ADARB2: variants seen among roughly 807,000 people sequenced by gnomAD.
The protein encoded by ADARB2 is inactive double-stranded RNA-specific editase B2.
In ADARB2, 25 loss-of-function variants were observed where a neutral mutation model predicts 62.2. The ratio of observed to expected loss-of-function variants is 0.40; its 90% CI spans 0.29 to 0.56. The LOEUF (loss-of-function observed/expected upper bound fraction) is 0.56. Ranked by LOEUF, ADARB2 falls within the 20% of genes least tolerant of loss-of-function variation. The pLI, the probability that ADARB2 is intolerant of heterozygous loss-of-function variation, is 0.43. For missense variants in ADARB2, 1,071 were observed against 1,077.4 expected (o/e 0.99, Z 0.08); for synonymous variants, 572 against 500.8 (o/e 1.14, Z -1.90).
intron 4 of ADARB2, among the ~76,000 whole-genome samples, chr10:1,252,724 G>A (rs1831047692): frequency 6.6e-6 from 1 of 151,382 alleles, no homozygotes; most frequent in African/African-American, 2.4e-5. Flanking sequence ...TAATTAGTTC[G>A]AAATCAGGTA....
chr10:1,733,351 T>C (rs1203177969), intron 1 of ADARB2, among the ~76,000 whole-genome samples: 1 of 152,166 alleles, frequency 6.6e-6, no homozygotes, highest in Non-Finnish European at 1.5e-5. Context: ...CAGTAATGGG[T>C]AGAAGATTAA....
At chr10:1,711,368 T>G (rs1234494907) in intron 1 of ADARB2, among the ~76,000 whole-genome samples, 1 of 152,162 alleles carries the variant, frequency 6.6e-6, no homozygotes, top group Non-Finnish European at 1.5e-5. Flanking sequence ...AGGTCACAGC[T>G]CTGAAGGACG....
chr10:1,183,488 A>G (rs748741641), intron 9 of ADARB2, 119 bp from the exon 10 acceptor site: 18 of 1,265,528 alleles, frequency 1.4e-5, no homozygotes, highest in Non-Finnish European at 1.9e-5. Context: ...TCTTTCTCCC[A>G]CTATTACAGA....
At chr10:1,311,793 C>T (rs181251424) in intron 3 of ADARB2, among the ~76,000 whole-genome samples, 26 of 152,320 alleles carry the variant, frequency 1.7e-4, no homozygotes, top group African/African-American at 5.8e-4. Flanking sequence ...CTACCATCTC[C>T]GCCCTATGAT....
intron 1 of ADARB2, among the ~76,000 whole-genome samples, chr10:1,653,700 G>C (rs1834143002): frequency 6.6e-6 from 1 of 152,196 alleles, no homozygotes; most frequent in Admixed American, 6.5e-5. Context: ...CACATGTTCG[G>C]TCTCATCTCC....
intron 1 of ADARB2, among the ~76,000 whole-genome samples, chr10:1,719,500 C>T (rs540261649): frequency 6.6e-6 from 1 of 152,264 alleles, no homozygotes; most frequent in Admixed American, 6.5e-5. Context: ...TATACAGTGG[C>T]CTTTTGATAA....
chr10:1,309,719 G>T (rs1831666598), intron 3 of ADARB2, among the ~76,000 whole-genome samples: 1 of 152,216 alleles, frequency 6.6e-6, no homozygotes, highest in Non-Finnish European at 1.5e-5. Flanking sequence ...ATCCAGGCTG[G>T]TGGGGCTGGA....
At chr10:1,507,564 T>C (rs1269562929) in intron 1 of ADARB2, among the ~76,000 whole-genome samples, 1 of 152,180 alleles carries the variant, frequency 6.6e-6, no homozygotes, top group Non-Finnish European at 1.5e-5. Flanking sequence ...CGTCTGGAGA[T>C]GTTTACCCTC....
At chr10:1,205,870 G>A (rs12774782) in intron 7 of ADARB2, among the ~76,000 whole-genome samples, 18 of 152,196 alleles carry the variant, frequency 1.2e-4, no homozygotes, top group African/African-American at 3.6e-4. Flanking sequence ...GGGGCAGCCC[G>A]CTGCGGCCAG....
intron 1 of ADARB2, among the ~76,000 whole-genome samples, chr10:1,553,159 G>T (rs1217017389): frequency 6.6e-6 from 1 of 152,198 alleles, no homozygotes; most frequent in African/African-American, 2.4e-5. Context: ...CATAACATTG[G>T]GAAATGACTG....
chr10:1,409,243 C>T (rs2820669), intron 1 of ADARB2, among the ~76,000 whole-genome samples: 99,727 of 150,302 alleles, frequency 0.66, 33,453 homozygotes, highest in African/African-American at 0.7. Flanking sequence ...TGCCTGACAG[C>T]GGGCTCCCAC....
At chr10:1,362,435 G>A (rs139457895) in intron 3 of ADARB2, among the ~76,000 whole-genome samples, 1 of 152,368 alleles carries the variant, frequency 6.6e-6, no homozygotes, top group Non-Finnish European at 1.5e-5. Context: ...CCAGACAGTT[G>A]AGAACATGTC....
intron 1 of ADARB2, among the ~76,000 whole-genome samples, chr10:1,445,447 A>G (rs1375308428): frequency 6.7e-6 from 1 of 149,206 alleles, no homozygotes; most frequent in Non-Finnish European, 1.5e-5. Context: ...CTATCCATCC[A>G]TCCACCCACC....
intron 3 of ADARB2, among the ~76,000 whole-genome samples, chr10:1,287,812 T>C (rs1199345336): frequency 1.3e-5 from 2 of 152,262 alleles, no homozygotes; most frequent in African/African-American, 4.8e-5. Flanking sequence ...TAAGTTAGTG[T>C]GCTTTGGAGT....
intron 1 of ADARB2, among the ~76,000 whole-genome samples, chr10:1,465,617 C>T (rs955957121): frequency 6.6e-6 from 1 of 152,224 alleles, no homozygotes; most frequent in Non-Finnish European, 1.5e-5. Context: ...TGCCTTTTGA[C>T]TTTACCTGTC....
chr10:1,296,313 CTG>C (rs1433451017), intron 3 of ADARB2, among the ~76,000 whole-genome samples: 1 of 152,218 alleles, frequency 6.6e-6, no homozygotes, highest in Non-Finnish European at 1.5e-5. Flanking sequence ...TGTGTGCAGA[CTG>C]TAGAAAAATG....
intron 1 of ADARB2, among the ~76,000 whole-genome samples, chr10:1,389,970 T>G (rs1320259740): frequency 6.6e-6 from 1 of 152,116 alleles, no homozygotes; most frequent in African/African-American, 2.4e-5. Flanking sequence ...ATAAATGAAA[T>G]GTATATGTTC....
At chr10:1,710,827 C>T (rs1052163634) in intron 1 of ADARB2, among the ~76,000 whole-genome samples, 1 of 152,072 alleles carries the variant, frequency 6.6e-6, no homozygotes, top group African/African-American at 2.4e-5. Flanking sequence ...CACCTTCACT[C>T]CTTGTCTCAT....
At chr10:1,243,453 TAAATA>T (rs1830947035) in intron 4 of ADARB2, among the ~76,000 whole-genome samples, 1 of 152,222 alleles carries the variant, frequency 6.6e-6, no homozygotes, top group Non-Finnish European at 1.5e-5. Context: ...CCTCCCATCT[TAAATA>T]AAAACAGTGC....
Sources: gnomAD v4.1 joint callset for allele counts (sites outside exome capture counted in the v4.1 genomes callset) on GRCh38, gnomAD v4.1.1 for gene constraint, MANE v1.5 for transcripts, NCBI Gene and HGNC (gene_info 2026-07-23, HGNC 2026-07-21) for gene names.